Variants in CDK14 observed in about 807,000 individuals in gnomAD.
CDK14 encodes cyclin-dependent kinase 14.
Under a neutral mutation model 60.7 loss-of-function variants are expected in CDK14, and 34 were observed. That is an observed-to-expected ratio of 0.56 (90% CI 0.43 to 0.75). CDK14 has a LOEUF of 0.75. Among genes scored for constraint, CDK14 ranks in the 30% least tolerant of loss-of-function variants. The pLI is 0.00. For missense variants in CDK14, 482 were observed against 564.1 expected, an observed-to-expected ratio of 0.85 and a Z score of 1.47; for synonymous variants, 197 against 203.7, an observed-to-expected ratio of 0.97 and a Z score of 0.28.
At chr7:90,835,100 G>A (rs1790048520) in intron 5 of CDK14, among the ~76,000 whole-genome samples, 1 of 152,132 alleles carries the variant, frequency 6.6e-6, no homozygotes, top group Admixed American at 6.6e-5. Flanking sequence ...AAGTAAACAA[G>A]AAGATAAAGG....
chr7:90,714,344 TGACA>T (rs986264208), intron 2 of CDK14, among the ~76,000 whole-genome samples: 3 of 152,056 alleles, frequency 2.0e-5, no homozygotes, highest in East Asian at 1.9e-4. Context: ...TGTTTTCCGG[TGACA>T]GACAAACAGC....
In CDK14 at chr7:91,046,057, T is replaced by G. The variant is rs545337057; in HGVS notation, c.1105+97T>G. 33 of 790,200 alleles carry G rather than the reference T, an allele frequency of 4.2e-5. No individual in the cohort carries two copies. In the Admixed American group the frequency reaches 5.0e-4, roughly 12 times the overall value. The allele number at this position is 790,200 out of a possible 1,614,324, so 48.9% of individuals were successfully genotyped here. ...CAAGCAATATACCACCTTGAAAAAT[T>G]CTGGTTACTTTTGCCATTGTGTACT... On this transcript the variant is annotated intron_variant, in intron 11 of 14. Transcript: ENST00000380050.
Position 91,031,665 on chromosome 7 carries a change from G to A in CDK14, c.1042-14232G>A, listed in dbSNP as rs141320471. Reference sequence around the variant, plus strand: ...TAGTGAGTTCATGGGTCCTTATTAAGTTAATTAAAATAAAATTCCCTGCAT... The same window carrying A: ...TAGTGAGTTCATGGGTCCTTATTAAATTAATTAAAATAAAATTCCCTGCAT... On this transcript the variant is annotated intron_variant, in intron 10 of 14. Coordinates refer to ENST00000380050, the MANE Select transcript of CDK14 (RefSeq NM_001287135.2). Among the ~76,000 whole-genome samples, 196 of 152,174 alleles carry A rather than the reference G, an allele frequency of 1.3e-3. 1 individual carries two copies. The highest frequency in any genetic ancestry group is 4.5e-3 in the African/African-American group (187 of 41,500).
chr7:90,599,640 A>G (rs746857689), intron 1 of CDK14, among the ~76,000 whole-genome samples: 1 of 152,172 alleles, frequency 6.6e-6, no homozygotes, highest in Non-Finnish European at 1.5e-5. Flanking sequence ...TCCTTTCTTC[A>G]TTGGTACTTC....
At chr7:90,775,185 A>G (rs558300725) in intron 4 of CDK14, among the ~76,000 whole-genome samples, 2 of 152,332 alleles carry the variant, frequency 1.3e-5, no homozygotes, top group South Asian at 2.1e-4. Context: ...GAGGCTTGAA[A>G]TGCTGTAAAG....
At chr7:90,865,389 C>T (rs1791144578) in intron 6 of CDK14, among the ~76,000 whole-genome samples, 1 of 152,168 alleles carries the variant, frequency 6.6e-6, no homozygotes, top group Admixed American at 6.6e-5. Context: ...TTCCTTAACA[C>T]AAGTTTCCAA....
At chr7:91,110,119 T>C (rs1799429100) in intron 12 of CDK14, among the ~76,000 whole-genome samples, 1 of 152,120 alleles carries the variant, frequency 6.6e-6, no homozygotes, top group Non-Finnish European at 1.5e-5. Flanking sequence ...AAAAGTATCA[T>C]GTCTTAACAA....
chr7:90,818,228 A>T (rs1317402297), intron 5 of CDK14, among the ~76,000 whole-genome samples: 3 of 152,350 alleles, frequency 2.0e-5, no homozygotes, highest in East Asian at 3.9e-4. Context: ...AATGATTCAC[A>T]CATAACCAAT....
At chr7:90,819,217 A>G (rs1789458875) in intron 5 of CDK14, among the ~76,000 whole-genome samples, 1 of 152,176 alleles carries the variant, frequency 6.6e-6, no homozygotes, top group Admixed American at 6.5e-5. Flanking sequence ...GACAGTCAAG[A>G]ACTGAGATTT....
intron 2 of CDK14, among the ~76,000 whole-genome samples, chr7:90,634,881 C>T (rs1474221648): frequency 1.3e-5 from 2 of 152,020 alleles, no homozygotes; most frequent in Non-Finnish European, 2.9e-5. Flanking sequence ...CTCTGATGGC[C>T]AGTGATGATG....
chr7:90,835,586 A>T (rs1020737261), intron 5 of CDK14, among the ~76,000 whole-genome samples: 1 of 152,154 alleles, frequency 6.6e-6, no homozygotes, highest in African/African-American at 2.4e-5. Flanking sequence ...TAAATGTGAC[A>T]TGATCCTGTC....
chr7:90,752,834 T>C (rs1233927040), intron 4 of CDK14, among the ~76,000 whole-genome samples: 3 of 152,034 alleles, frequency 2.0e-5, no homozygotes, highest in Admixed American at 2.0e-4. Context: ...CCCATGGAGA[T>C]AGAAAAGATT....
chr7:90,680,705 G>T (rs750922341), intron 2 of CDK14, among the ~76,000 whole-genome samples: 5 of 152,160 alleles, frequency 3.3e-5, no homozygotes, highest in African/African-American at 9.7e-5. Context: ...ATCAGCTGCG[G>T]GAGTGTTTGG....
At chr7:90,837,078 C>T (rs1790127579) in intron 5 of CDK14, among the ~76,000 whole-genome samples, 1 of 152,106 alleles carries the variant, frequency 6.6e-6, no homozygotes, top group Non-Finnish European at 1.5e-5. Flanking sequence ...ACAGCTGGCA[C>T]TTGCTCCAGA....
chr7:91,100,656 C>T (rs1293390519), intron 12 of CDK14, among the ~76,000 whole-genome samples: 1 of 152,024 alleles, frequency 6.6e-6, no homozygotes, highest in Non-Finnish European at 1.5e-5. Flanking sequence ...AGCAGATCAC[C>T]CTTTCTTTGG....
At chr7:90,623,900 A>C (rs1799823695) in intron 2 of CDK14, among the ~76,000 whole-genome samples, 1 of 152,252 alleles carries the variant, frequency 6.6e-6, no homozygotes, top group South Asian at 2.1e-4. Context: ...TTAGAGGCAC[A>C]GACTGCTGTC....
chr7:90,647,690 T>C (rs897549533), intron 2 of CDK14, among the ~76,000 whole-genome samples: 1 of 152,096 alleles, frequency 6.6e-6, no homozygotes, highest in Non-Finnish European at 1.5e-5. Context: ...CTGAACTCTT[T>C]AAATAAATTG....
At chr7:90,983,770 G>A (rs998604215) in intron 9 of CDK14, among the ~76,000 whole-genome samples, 1 of 151,952 alleles carries the variant, frequency 6.6e-6, no homozygotes, top group African/African-American at 2.4e-5. Flanking sequence ...CACAGGAACA[G>A]GAAACCAAAT....
intron 14 of CDK14, among the ~76,000 whole-genome samples, chr7:91,159,579 T>A (rs1378902339): frequency 1.3e-5 from 2 of 152,232 alleles, no homozygotes; most frequent in Non-Finnish European, 2.9e-5. Context: ...AAGCTTGCTG[T>A]CTGGACCGAT....
Sources: allele counts gnomAD v4.1 joint callset (sites outside exome capture counted in the v4.1 genomes callset), GRCh38; gene constraint gnomAD v4.1.1; transcripts MANE v1.5; gene names NCBI Gene and HGNC (gene_info 2026-07-23, HGNC 2026-07-21).